Variants in ABL1 observed in about 807,000 individuals in gnomAD.
ABL1 encodes the protein ABL proto-oncogene 1, non-receptor tyrosine kinase, also known as tyrosine-protein kinase ABL1.
In ABL1, 11 loss-of-function variants were observed where a neutral mutation model predicts 94.7. The observed-to-expected ratio is 0.12, with a 90% CI of 0.07 to 0.19. The LOEUF is 0.19. Among genes scored for constraint, ABL1 ranks in the 10% least tolerant of loss-of-function variants. The probability of loss-of-function intolerance (pLI) is 1.00; values close to 1 mark genes in which losing one functional copy is unlikely to be tolerated. For synonymous variants in ABL1, 656 were observed against 622.4 expected, an observed-to-expected ratio of 1.05 and a Z score of -0.80; for missense variants, 1,082 against 1,489.4, an observed-to-expected ratio of 0.73 and a Z score of 4.50.
chr9:130,792,612 T>A (rs999583308), intron 1 of ABL1, among the ~76,000 whole-genome samples: 2 of 152,120 alleles, frequency 1.3e-5, no homozygotes, highest in Non-Finnish European at 2.9e-5. Flanking sequence ...GGGTTTAAGA[T>A]GCGTGAAAAA....
intron 1 of ABL1, among the ~76,000 whole-genome samples, chr9:130,846,549 A>G: frequency 6.6e-6 from 1 of 152,228 alleles, no homozygotes; most frequent in East Asian, 1.9e-4. Context: ...ACCGTCTCCA[A>G]GAACCTTCCG....
chr9:130,723,956 C>T (rs1369819206), intron 1 of ABL1, among the ~76,000 whole-genome samples: 4 of 152,062 alleles, frequency 2.6e-5, no homozygotes, highest in Admixed American at 1.3e-4. Context: ...GGACTACAGG[C>T]GCCCGCCACC....
chr9:130,715,054 A>G (rs532583015), intron 1 of ABL1, among the ~76,000 whole-genome samples: 25 of 152,340 alleles, frequency 1.6e-4, no homozygotes, highest in Non-Finnish European at 2.2e-4. Context: ...CTTACCTTCC[A>G]TAAGGAGTAA....
At chr9:130,792,839 G>C (rs1240179693) in intron 1 of ABL1, among the ~76,000 whole-genome samples, 3 of 152,124 alleles carry the variant, frequency 2.0e-5, no homozygotes, top group Non-Finnish European at 4.4e-5. Flanking sequence ...ACCCCATGCA[G>C]CTGCTTTCTA....
Position 130,814,481 on chromosome 9 carries a change from C to G in ABL1, c.137-39583C>G, listed in dbSNP as rs985930084. 1.3e-5 allele frequency among the ~76,000 whole-genome samples: 2 copies of G among 152,198 alleles called. No homozygotes were observed. The highest frequency in any genetic ancestry group is 4.8e-5 in the African/African-American group (2 of 41,458). On this transcript the variant is annotated intron_variant, in intron 1 of 10. Transcript: ENST00000372348. This position sits in a 1 kb window ranked among gnomAD's most constrained non-coding sequence, Gnocchi z 4.4. ...ATATCAGCAGTGAAAGAGATGACAT[C>G]ACACAGATTCTAAAGATATTGAAAG...
chr9:130,714,480 T>C (rs372851095), intron 1 of ABL1: 36 of 1,614,050 alleles, frequency 2.2e-5, no homozygotes, highest in Non-Finnish European at 2.9e-5. Flanking sequence ...AAATTTCTGC[T>C]CATGGTTTTC....
intron 1 of ABL1, among the ~76,000 whole-genome samples, chr9:130,747,773 A>G (rs1269857795): frequency 6.6e-6 from 1 of 152,170 alleles, no homozygotes; most frequent in East Asian, 1.9e-4. Context: ...ATGACGGAGG[A>G]TAATGCCCCC....
intron 1 of ABL1, among the ~76,000 whole-genome samples, chr9:130,821,664 CTTT>C (rs1212377521): frequency 1.5e-5 from 2 of 135,492 alleles, no homozygotes; most frequent in Non-Finnish European, 1.6e-5. Context: ...ATTGCTGAGT[CTTT>C]TTTTTTTTTT....
chr9:130,770,259 T>A (rs911769413), intron 1 of ABL1, among the ~76,000 whole-genome samples: 45 of 152,092 alleles, frequency 3.0e-4, no homozygotes, highest in African/African-American at 1.1e-3. Flanking sequence ...GTAATCCCAA[T>A]GCTTTGAGAG....
At chr9:130,846,514 C>T (rs1164972315) in intron 1 of ABL1, among the ~76,000 whole-genome samples, 1 of 152,190 alleles carries the variant, frequency 6.6e-6, no homozygotes, top group African/African-American at 2.4e-5. Context: ...TGACATGCTC[C>T]ATCCTCCTGT....
chr9:130,726,028 A>T (rs1328960865), intron 1 of ABL1, among the ~76,000 whole-genome samples: 1 of 150,868 alleles, frequency 6.6e-6, no homozygotes, highest in Admixed American at 6.6e-5. Flanking sequence ...TAAAAAAAAA[A>T]TTTATAGAGA....
chr9:130,741,844 A>G (rs1831824053), intron 1 of ABL1, among the ~76,000 whole-genome samples: 1 of 152,078 alleles, frequency 6.6e-6, no homozygotes, highest in South Asian at 2.1e-4. Flanking sequence ...CAGGAGCAAG[A>G]TAAGAACAAC....
intron 7 of ABL1, 36 bp from the exon 8 acceptor site, chr9:130,878,379 A>T (rs1300558074): frequency 1.2e-6 from 2 of 1,611,714 alleles, no homozygotes; most frequent in East Asian, 2.2e-5. Context: ...AATGCTACAC[A>T]TCTTGAACAG....
chr9:130,722,170 A>G (rs1588210269), intron 1 of ABL1, among the ~76,000 whole-genome samples: 1 of 151,900 alleles, frequency 6.6e-6, no homozygotes, highest in Non-Finnish European at 1.5e-5. Context: ...AGGCGGGTGG[A>G]TCACCTGAAG....
At position 130,786,133 on chromosome 9, in the gene ABL1, C is replaced by T. The variant is rs34763406; in HGVS notation, c.137-67931C>T. Among the ~76,000 whole-genome samples, 102 of 152,254 alleles carry T rather than the reference C, an allele frequency of 6.7e-4. No individual in the cohort carries two copies. The East Asian group carries it at 0.019, about 28-fold the overall frequency. On this transcript the variant is annotated intron_variant, in intron 1 of 10. Coordinates refer to the ABL1 transcript ENST00000372348. ...ACAGGGCAGAAAGGAGCTGGGGGAA[C>T]GCCCAGGCCAGAGCCTTTGTTGGGC...
At chr9:130,850,063 C>T (rs1354535295) in intron 1 of ABL1, among the ~76,000 whole-genome samples, 1 of 152,144 alleles carries the variant, frequency 6.6e-6, no homozygotes, top group Non-Finnish European at 1.5e-5. Context: ...TCCCTGTGCC[C>T]CATGGCACAT....
chr9:130,767,182 T>G lies in ABL1; in HGVS notation c.136+52727T>G, dbSNP rs113719883. Among the ~76,000 whole-genome samples, 135 of 152,358 alleles carry G rather than the reference T, an allele frequency of 8.9e-4. 2 individuals are homozygous for G. The highest frequency in any genetic ancestry group is 3.2e-3 in the African/African-American group (132 of 41,584). On this transcript the variant is annotated intron_variant, in intron 1 of 10. Transcript: ENST00000372348. ...TACCCACACCAGCATCAGCTCTTTG[T>G]CCTCTTCCCCTTTTCATTTCTTTGC...
intron 7 of ABL1, among the ~76,000 whole-genome samples, chr9:130,876,347 A>C (rs1831341738): frequency 6.6e-6 from 1 of 151,918 alleles, no homozygotes; most frequent in Admixed American, 6.6e-5. Flanking sequence ...ATGTAGGAAG[A>C]GCAGGGTCAA....
At chr9:130,713,362 C>T (rs1267755444) in exon 1 of ABL1, among the ~76,000 whole-genome samples, 4 of 152,324 alleles carry the variant, frequency 2.6e-5, no homozygotes, top group Non-Finnish European at 4.4e-5. Flanking sequence ...TACAGCCCCG[C>T]CCCGGCTTTG....
Sources: allele counts gnomAD v4.1 joint callset (sites outside exome capture counted in the v4.1 genomes callset), GRCh38; gene constraint gnomAD v4.1.1; non-coding constraint Gnocchi (gnomAD v3.1); transcripts MANE v1.5; gene names NCBI Gene and HGNC (gene_info 2026-07-23, HGNC 2026-07-21).